Variants in IRGM observed in about 807,000 individuals in gnomAD.
IRGM encodes immunity related GTPase M.
For missense variants in IRGM, 288 were observed against 219.9 expected, an observed-to-expected ratio of 1.31 and a Z score of -1.96; for synonymous variants, 98 against 80.6, an observed-to-expected ratio of 1.22 and a Z score of -1.16.
At chr5:150,868,127 C>A (rs1297064843) in intron 1 of IRGM, among the ~76,000 whole-genome samples, 1 of 152,108 alleles carries the variant, frequency 6.6e-6, no homozygotes, top group Non-Finnish European at 1.5e-5. Flanking sequence ...AGTCTTTGAT[C>A]CATCTTGAGT....
chr5:150,858,672 T>G (rs1470212021), intron 1 of IRGM, among the ~76,000 whole-genome samples: 1 of 151,952 alleles, frequency 6.6e-6, no homozygotes, highest in East Asian at 1.9e-4. Flanking sequence ...CTAGGTATTT[T>G]ATTCTCTTTG....
chr5:150,881,725 C>A (rs994015230), intron 3 of IRGM, among the ~76,000 whole-genome samples: 2 of 151,966 alleles, frequency 1.3e-5, no homozygotes, highest in Non-Finnish European at 1.5e-5. Context: ...ACAGCAATAT[C>A]AACAACAACA....
At chr5:150,875,136 C>G (rs1754345636) in intron 1 of IRGM, among the ~76,000 whole-genome samples, 1 of 152,180 alleles carries the variant, frequency 6.6e-6, no homozygotes, top group Admixed American at 6.5e-5. Context: ...CCTCAGCCTG[C>G]ACTGTTGGTC....
At chr5:150,875,462 A>G (rs1754349913) in intron 1 of IRGM, among the ~76,000 whole-genome samples, 1 of 152,216 alleles carries the variant, frequency 6.6e-6, no homozygotes, top group South Asian at 2.1e-4. Flanking sequence ...TGACAAAGAA[A>G]TTTGGGAAAT....
Position 150,848,655 on chromosome 5 carries a change from G to T in IRGM, c.532G>T (p.Val178Leu), listed in dbSNP as rs1753926055. The change falls in exon 2 of 2, where the codon GTA becomes TTA. Residue 178 changes from valine (V) to leucine (L), a missense_variant. Transcript: ENST00000522154. Reference protein sequence around the residue: ...NVLENLQKERVCEY With the variant: ...NVLENLQKERLCEY ...CCTGGAAAATCTCCAGAAGGAGCGG[G>T]TATGTGAATACTAATTCCTGTCTTC... 1 of 1,532,002 alleles carries T rather than the reference G, an allele frequency of 6.5e-7. No individual in the cohort carries two copies. The highest frequency in any genetic ancestry group is 1.2e-5 in the South Asian group (1 of 82,126). The allele number at this position is 1,532,002 out of a possible 1,614,324, so 94.9% of individuals were successfully genotyped here.
downstream of IRGM, among the ~76,000 whole-genome samples, chr5:150,852,413 C>G (rs891152956): frequency 2.6e-5 from 4 of 152,172 alleles, no homozygotes; most frequent in South Asian, 8.3e-4. Context: ...TTTTTTCTAC[C>G]TAAGTTGCAC....
intron 1 of IRGM, among the ~76,000 whole-genome samples, chr5:150,861,861 A>G (rs199942536): frequency 1.1e-4 from 16 of 152,244 alleles, no homozygotes; most frequent in African/African-American, 3.1e-4. Context: ...AAAATATTTC[A>G]TATTATTTCC....
chr5:150,881,749 C>T (rs1318948494), intron 3 of IRGM, among the ~76,000 whole-genome samples: 4 of 151,994 alleles, frequency 2.6e-5, no homozygotes, highest in Admixed American at 2.6e-4. Context: ...GGGAGAGGGG[C>T]AGTAAAAGAT....
intron 3 of IRGM, chr5:150,896,383 C>A (rs1754781599): frequency 6.2e-7 from 1 of 1,613,612 alleles, no homozygotes; most frequent in African/African-American, 1.3e-5. Context: ...CTTTGATGTA[C>A]AATGAGTTGT....
intron 3 of IRGM, chr5:150,897,033 A>G (rs1754817034): frequency 1.5e-6 from 2 of 1,337,010 alleles, no homozygotes; most frequent in Non-Finnish European, 2.0e-6. Context: ...GAGGGTAAAG[A>G]AGTAGAACAA....
chr5:150,865,806 G>A (rs1051597987), intron 1 of IRGM, among the ~76,000 whole-genome samples: 1 of 152,120 alleles, frequency 6.6e-6, no homozygotes, highest in Non-Finnish European at 1.5e-5. Context: ...GCCCAGGCTG[G>A]AGTGCAGTGG....
intron 1 of IRGM, among the ~76,000 whole-genome samples, chr5:150,874,638 G>A (rs901313462): frequency 3.3e-5 from 5 of 152,196 alleles, no homozygotes; most frequent in Non-Finnish European, 5.9e-5. Flanking sequence ...TCCAGAACAG[G>A]AGAAGGCTCT....
intron 1 of IRGM, among the ~76,000 whole-genome samples, chr5:150,854,136 GT>G (rs1754014922): frequency 1.3e-5 from 2 of 151,992 alleles, no homozygotes; most frequent in Non-Finnish European, 2.9e-5. Flanking sequence ...ACAGTACAAA[GT>G]TATAACAATC....
intron 1 of IRGM, among the ~76,000 whole-genome samples, chr5:150,866,761 T>C (rs181344983): frequency 6.6e-6 from 1 of 152,308 alleles, no homozygotes; most frequent in East Asian, 1.9e-4. Context: ...TCATTTACCG[T>C]TTTCCAAGAG....
chr5:150,886,891 G>A (rs1043845181), intron 3 of IRGM, among the ~76,000 whole-genome samples: 1 of 151,430 alleles, frequency 6.6e-6, no homozygotes, highest in African/African-American at 2.4e-5. Flanking sequence ...TTTTTTTTGT[G>A]TCTTGATTTC....
chr5:150,858,556 A>G lies in IRGM; in HGVS notation c.158+9902A>G, dbSNP rs377167125. Among the ~76,000 whole-genome samples, 1,133 of 152,152 alleles carry G rather than the reference A, an allele frequency of 7.4e-3. 17 individuals carry two copies. Among genetic ancestry groups the G allele is most frequent in the African/African-American group, 0.026 (1,070 of 41,452 alleles). The stretch of plus-strand genomic sequence containing the variant: ...CACGATATTGATTCTTCCTACCCAT[A>G]AGCATGGAATGTTCTTCCATTTGTT... On this transcript the variant is annotated intron_variant and NMD_transcript_variant, in intron 1 of 3. Transcript: ENST00000520549.
At chr5:150,870,656 C>T (rs1012843914) in intron 1 of IRGM, among the ~76,000 whole-genome samples, 1 of 151,736 alleles carries the variant, frequency 6.6e-6, no homozygotes, top group Non-Finnish European at 1.5e-5. Context: ...TTTCCTGGTC[C>T]TAGGATGGTA....
chr5:150,855,302 T>A (rs966983993), intron 1 of IRGM, among the ~76,000 whole-genome samples: 2 of 152,222 alleles, frequency 1.3e-5, no homozygotes, highest in Non-Finnish European at 2.9e-5. Context: ...ATGTAATAAT[T>A]GGCAGCTTAA....
chr5:150,872,998 G>A (rs544840909), intron 1 of IRGM, among the ~76,000 whole-genome samples: 1 of 152,188 alleles, frequency 6.6e-6, no homozygotes, highest in Admixed American at 6.5e-5. Flanking sequence ...AGTGGGAACC[G>A]CAGTCACTCA....
Sources: allele counts gnomAD v4.1 joint callset (sites outside exome capture counted in the v4.1 genomes callset), GRCh38; gene constraint gnomAD v4.1.1; transcripts MANE v1.5; gene names NCBI Gene and HGNC (gene_info 2026-07-23, HGNC 2026-07-21).